The following GADL1 variants were observed in gnomAD, a reference collection of about 807,000 sequenced individuals.
GADL1 encodes acidic amino acid decarboxylase GADL1.
In GADL1, 71 loss-of-function variants were observed where a neutral mutation model predicts 69.5. That is an observed-to-expected ratio of 1.02 (90% CI 0.84 to 1.25). The LOEUF is 1.25. GADL1 is among the 50% of genes most tolerant of loss of function. The pLI is 0.00. For synonymous variants in GADL1, 254 were observed against 214.4 expected (o/e 1.18, Z -1.62); for missense variants, 737 against 631.8 (o/e 1.17, Z -1.79).
chr3:30,773,758 C>T (rs1174619190), intron 14 of GADL1, among the ~76,000 whole-genome samples: 2 of 152,118 alleles, frequency 1.3e-5, no homozygotes, highest in Non-Finnish European at 2.9e-5. Flanking sequence ...GTCTTAGTAG[C>T]TTCTCCTCCA....
intron 9 of GADL1, among the ~76,000 whole-genome samples, chr3:30,838,489 G>T (rs1218642980): frequency 6.6e-6 from 1 of 152,006 alleles, no homozygotes; most frequent in Non-Finnish European, 1.5e-5. Flanking sequence ...GAGAAAATTT[G>T]CTTTAGTTAT....
chr3:30,787,057 G>T (rs549301417), intron 12 of GADL1, among the ~76,000 whole-genome samples: 1 of 152,284 alleles, frequency 6.6e-6, no homozygotes, highest in South Asian at 2.1e-4. Context: ...GGGAGGATGA[G>T]GGGAGAGTAT....
At chr3:30,844,949 C>CAG (rs1698030238) in intron 6 of GADL1, among the ~76,000 whole-genome samples, 3 of 152,102 alleles carry the variant, frequency 2.0e-5, no homozygotes, top group Admixed American at 6.5e-5. Flanking sequence ...AGAATCTAGT[C>CAG]CACTGCTGAC....
At chr3:30,884,944 C>T (rs1698684253) in intron 1 of GADL1, among the ~76,000 whole-genome samples, 1 of 151,958 alleles carries the variant, frequency 6.6e-6, no homozygotes, top group African/African-American at 2.4e-5. Flanking sequence ...ACTGATGGCT[C>T]ATTGCTATTA....
chr3:30,850,779 A>G (rs1178335043), intron 5 of GADL1, 56 bp downstream of exon 5: 4 of 1,021,358 alleles, frequency 3.9e-6, no homozygotes, highest in Non-Finnish European at 6.0e-6. Context: ...TTCCTCATGG[A>G]TAAATTTTTA....
At chr3:30,777,820 T>TG (rs1696570559) in intron 14 of GADL1, among the ~76,000 whole-genome samples, 1 of 152,206 alleles carries the variant, frequency 6.6e-6, no homozygotes, top group African/African-American at 2.4e-5. Context: ...CTAACATTAT[T>TG]TCCAAGTAAG....
chr3:30,769,826 T>C (rs1045408075), intron 14 of GADL1, among the ~76,000 whole-genome samples: 2 of 143,742 alleles, frequency 1.4e-5, no homozygotes, highest in African/African-American at 5.3e-5. Context: ...CCTCAGTCGA[T>C]AGTGGGCCAA....
intron 1 of GADL1, among the ~76,000 whole-genome samples, chr3:30,886,580 T>A (rs181402259): frequency 9.2e-5 from 14 of 152,272 alleles, no homozygotes; most frequent in African/African-American, 3.4e-4. Context: ...AGGAGGGGAC[T>A]CTGACCTAAC....
chr3:30,858,304 C>G (rs1336972979), intron 2 of GADL1, among the ~76,000 whole-genome samples: 1 of 151,864 alleles, frequency 6.6e-6, no homozygotes, highest in Non-Finnish European at 1.5e-5. Flanking sequence ...GGACTTGGCT[C>G]TAAGGAAGCC....
intron 11 of GADL1, among the ~76,000 whole-genome samples, chr3:30,818,109 C>A (rs1340164405): frequency 6.6e-6 from 1 of 152,130 alleles, no homozygotes; most frequent in Non-Finnish European, 1.5e-5. Flanking sequence ...CCCCTCTCAT[C>A]CATAGACATG....
intron 1 of GADL1, among the ~76,000 whole-genome samples, chr3:30,878,706 A>G (rs1698607425): frequency 6.6e-6 from 1 of 151,914 alleles, no homozygotes; most frequent in Non-Finnish European, 1.5e-5. Flanking sequence ...CAGTGGCACT[A>G]GCTGAAGCAG....
chr3:30,820,498 G>T (rs1485765438), intron 11 of GADL1, among the ~76,000 whole-genome samples: 1 of 152,132 alleles, frequency 6.6e-6, no homozygotes, highest in Non-Finnish European at 1.5e-5. Context: ...TAGCAATCTG[G>T]TGAAGTAGTT....
intron 6 of GADL1, among the ~76,000 whole-genome samples, chr3:30,849,337 C>T (rs781377064): frequency 4.9e-4 from 75 of 152,200 alleles, no homozygotes; most frequent in Middle Eastern, 3.4e-3. Context: ...GTTATAAAAG[C>T]TAAGTGATAA....
At chr3:30,775,361 G>A (rs1426419755) in intron 14 of GADL1, among the ~76,000 whole-genome samples, 1 of 152,146 alleles carries the variant, frequency 6.6e-6, no homozygotes, top group Non-Finnish European at 1.5e-5. Context: ...GATAAACCCT[G>A]AAATAAATTT....
At chr3:30,869,430 AC>A (rs1698449282) in intron 1 of GADL1, among the ~76,000 whole-genome samples, 1 of 151,880 alleles carries the variant, frequency 6.6e-6, no homozygotes, top group Non-Finnish European at 1.5e-5. Context: ...AGCCGTGAGA[AC>A]AGAAGCTCTG....
At chr3:30,743,072 A>T (rs967988559) in intron 14 of GADL1, among the ~76,000 whole-genome samples, 2 of 151,868 alleles carry the variant, frequency 1.3e-5, no homozygotes, top group Admixed American at 6.6e-5. Flanking sequence ...TGCTACATAA[A>T]TTTTTTTCAA....
At chr3:30,821,726 G>T (rs1460489487) in intron 11 of GADL1, among the ~76,000 whole-genome samples, 6 of 151,480 alleles carry the variant, frequency 4.0e-5, no homozygotes, top group African/African-American at 1.5e-4. Context: ...ATAAATAGAT[G>T]ATAATAAGTC....
intron 14 of GADL1, among the ~76,000 whole-genome samples, chr3:30,770,029 C>G (rs1288171070): frequency 3.3e-5 from 3 of 90,102 alleles, no homozygotes; most frequent in African/African-American, 1.8e-4. Flanking sequence ...TCTAGCTTCT[C>G]TTAAAAATAA....
chr3:30,746,237 C>A (rs1048738968), intron 14 of GADL1, among the ~76,000 whole-genome samples: 2 of 152,100 alleles, frequency 1.3e-5, no homozygotes, highest in Non-Finnish European at 1.5e-5. Context: ...AGAGGTCTGG[C>A]AGGCCACAGC....
Sources: gnomAD v4.1 joint callset for allele counts (sites outside exome capture counted in the v4.1 genomes callset) on GRCh38, gnomAD v4.1.1 for gene constraint, MANE v1.5 for transcripts, NCBI Gene and HGNC (gene_info 2026-07-23, HGNC 2026-07-21) for gene names.